The following LRP5 variants were observed in gnomAD, a reference collection of about 807,000 sequenced individuals.
LRP5 encodes low-density lipoprotein receptor-related protein 5.
A neutral mutation model predicts 154.1 loss-of-function variants in LRP5; 62 were observed. The ratio of observed to expected loss-of-function variants is 0.40; its 90% confidence interval spans 0.33 to 0.50. The LOEUF is 0.50. Ranked by LOEUF, LRP5 falls within the 20% of genes least tolerant of loss-of-function variation. The probability of loss-of-function intolerance (pLI) is 0.55; values close to 1 mark genes in which losing one functional copy is unlikely to be tolerated. For synonymous variants in LRP5, 966 were observed against 1,011.5 expected, an observed-to-expected ratio of 0.96 and a Z score of 0.85; for missense variants, 1,915 against 2,336.7, an observed-to-expected ratio of 0.82 and a Z score of 3.72.
intron 5 of LRP5, among the ~76,000 whole-genome samples, chr11:68,373,622 T>A (rs1272993981): frequency 6.6e-6 from 1 of 152,144 alleles, no homozygotes; most frequent in Non-Finnish European, 1.5e-5. Context: ...GTCACTCTCA[T>A]CCCCAGCAGT....
At chr11:68,327,837 C>T (rs1351296351) in intron 1 of LRP5, among the ~76,000 whole-genome samples, 1 of 152,208 alleles carries the variant, frequency 6.6e-6, no homozygotes, top group Non-Finnish European at 1.5e-5. Context: ...GAGCCCCTCG[C>T]ACGCTGTCAG....
intron 5 of LRP5, among the ~76,000 whole-genome samples, chr11:68,380,947 C>T (rs2098639926): frequency 6.6e-6 from 1 of 152,202 alleles, no homozygotes; most frequent in Admixed American, 6.5e-5. Flanking sequence ...ACCCCAGGAA[C>T]CTGTGTATGT....
chr11:68,364,423 C>T (rs1334758733), intron 4 of LRP5, among the ~76,000 whole-genome samples: 6 of 150,808 alleles, frequency 4.0e-5, no homozygotes, highest in East Asian at 1.9e-4. Flanking sequence ...GATTTTGCCA[C>T]GTTGCCCAGG....
At chr11:68,319,840 A>G (rs1386526347) in intron 1 of LRP5, among the ~76,000 whole-genome samples, 8 of 152,148 alleles carry the variant, frequency 5.3e-5, no homozygotes, top group Non-Finnish European at 2.9e-5. Flanking sequence ...ATTCCTAGTC[A>G]AAGAGTGTGT....
intron 1 of LRP5, among the ~76,000 whole-genome samples, chr11:68,323,130 A>G (rs559233511): frequency 4.6e-5 from 7 of 152,332 alleles, no homozygotes; most frequent in African/African-American, 1.7e-4. Flanking sequence ...ATTTTTTGAG[A>G]TGGAGTCTCG....
intron 2 of LRP5, among the ~76,000 whole-genome samples, chr11:68,356,438 T>C (rs1303968099): frequency 1.3e-5 from 2 of 151,998 alleles, no homozygotes; most frequent in Non-Finnish European, 2.9e-5. Flanking sequence ...TGCCTGGCCA[T>C]GTTTTGTTGT....
At chr11:68,310,668 T>C (rs1481327105), upstream of LRP5, among the ~76,000 whole-genome samples, 1 of 150,224 alleles carries the variant, frequency 6.7e-6, no homozygotes, top group African/African-American at 2.5e-5. Context: ...GGTGGGAGGA[T>C]TGCTTGAGCC....
At position 68,423,410 on chromosome 11, in the gene LRP5, T is replaced by G; in HGVS notation, c.3028-79T>G. On this transcript the variant is annotated intron_variant, in intron 13 of 22. Transcript: ENST00000294304. This position sits in a 1 kb window ranked among gnomAD's most constrained non-coding sequence, Gnocchi z 4.7. ...GGGTCTCCACCAGTGCCCGGGGGTC[T>G]CCGCCAGTGCCAGGGGTCTCCGCCA... 1 of 1,374,124 alleles carries G rather than the reference T, an allele frequency of 7.3e-7. No homozygotes were observed. Among genetic ancestry groups the G allele is most frequent in the Non-Finnish European group, 1.0e-6 (1 of 963,092 alleles). 85.1% of individuals were successfully genotyped at this position (1,374,124 alleles called of 1,614,324 possible).
chr11:68,376,522 G>T (rs1263600602), intron 5 of LRP5, among the ~76,000 whole-genome samples: 1 of 152,182 alleles, frequency 6.6e-6, no homozygotes, highest in Non-Finnish European at 1.5e-5. Flanking sequence ...ACACGGTGCC[G>T]AGAGCTCGCT....
intron 21 of LRP5, among the ~76,000 whole-genome samples, chr11:68,440,470 C>T (rs1376688689): frequency 6.6e-6 from 1 of 152,192 alleles, no homozygotes; most frequent in Non-Finnish European, 1.5e-5. Flanking sequence ...AATAAACTGC[C>T]GCTGCCCTCC....
the LRP5 span, among the ~76,000 whole-genome samples, chr11:68,304,769 T>A: frequency 6.6e-6 from 1 of 152,272 alleles, no homozygotes; most frequent in Non-Finnish European, 1.5e-5. Context: ...ATTGAATGAT[T>A]GCTCTGCTGG....
intron 1 of LRP5, among the ~76,000 whole-genome samples, chr11:68,345,495 C>T (rs1333891925): frequency 6.6e-6 from 1 of 151,846 alleles, no homozygotes; most frequent in Non-Finnish European, 1.5e-5. Context: ...CCATGTTGGC[C>T]AGGCTGGTCT....
chr11:68,358,873 G>A (rs1370197039), intron 3 of LRP5, among the ~76,000 whole-genome samples: 5 of 152,280 alleles, frequency 3.3e-5, no homozygotes, highest in Middle Eastern at 3.4e-3. Context: ...CTCCTGGGAC[G>A]GCAGACCCCA....
intron 7 of LRP5, among the ~76,000 whole-genome samples, chr11:68,391,733 C>T (rs534652838): frequency 6.6e-6 from 1 of 152,342 alleles, no homozygotes; most frequent in East Asian, 1.9e-4. Context: ...GTTTGCGGGC[C>T]GCTGAGGATG....
intron 12 of LRP5, 63 bp from the exon 13 acceptor site, chr11:68,416,265 C>T (rs1293080970): frequency 1.9e-5 from 27 of 1,450,426 alleles, no homozygotes; most frequent in Middle Eastern, 1.8e-4. Context: ...CGTGCTATCC[C>T]GTCCTCCAGC....
rs1488812459 is a variant in LRP5, at chr11:68,425,195, C to A, written c.3330C>A (p.Gly1110=). 1.1e-5 allele frequency: 18 copies of A among 1,613,512 alleles called. No homozygotes were observed. The highest frequency in any genetic ancestry group is 1.4e-5 in the Non-Finnish European group (17 of 1,180,010). Residue 1110 remains glycine (G), a synonymous_variant, in exon 15 of 23, where the codon GGC becomes GGA. Transcript: ENST00000294304. ...GTEREVLFTT[G]LIRPVALVVD... ...AGCGCGAGGTCCTCTTCACCACCGG[C>A]CTCATCCGCCCTGTGGCCCTGGTGG...
chr11:68,442,135 T>A (rs1026519509), intron 21 of LRP5, among the ~76,000 whole-genome samples: 2 of 152,256 alleles, frequency 1.3e-5, no homozygotes, highest in African/African-American at 4.8e-5. Context: ...TGTAGATTTA[T>A]GTGCAGTTGT....
In LRP5 at chr11:68,449,124, G is replaced by T; in HGVS notation, c.*54G>T. 7.7e-7 allele frequency: 1 copy of T among 1,299,768 alleles called. No homozygotes were observed. Among genetic ancestry groups the T allele is most frequent in the East Asian group, 2.8e-5 (1 of 35,360 alleles). 80.5% of individuals were successfully genotyped at this position (1,299,768 alleles called of 1,614,324 possible). On this transcript the variant is annotated 3_prime_UTR_variant, in exon 23 of 23. Coordinates refer to ENST00000294304, the MANE Select transcript of LRP5 (RefSeq NM_002335.4). ...TGCCCCTGTAAATAGTTTTAAATATGAACAAAGAAAAAAATATATTTTATG... is the reference window on the plus strand; with the variant it reads ...TGCCCCTGTAAATAGTTTTAAATATTAACAAAGAAAAAAATATATTTTATG...
chr11:68,318,566 T>C (rs553039815), intron 1 of LRP5, among the ~76,000 whole-genome samples: 1 of 152,108 alleles, frequency 6.6e-6, no homozygotes, highest in Non-Finnish European at 1.5e-5. Context: ...CTTGAACTCC[T>C]GGGCTCAAGC....
Sources: gnomAD v4.1 joint callset for allele counts (sites outside exome capture counted in the v4.1 genomes callset) on GRCh38, gnomAD v4.1.1 for gene constraint, Gnocchi (gnomAD v3.1) non-coding constraint, MANE v1.5 for transcripts, NCBI Gene and HGNC (gene_info 2026-07-23, HGNC 2026-07-21) for gene names.